Variants in NCAM2 observed in about 807,000 individuals in gnomAD.
NCAM2 encodes the protein neural cell adhesion molecule 2.
NCAM2 carries 30 observed loss-of-function variants against 98.1 expected under a neutral mutation model. That is an observed-to-expected ratio of 0.31 (90% CI 0.23 to 0.41). The LOEUF is 0.41. Among genes scored for constraint, NCAM2 ranks in the 10% least tolerant of loss-of-function variants. The pLI is 1.00. For synonymous variants in NCAM2, 368 were observed against 342.4 expected (o/e 1.07, Z -0.83); for missense variants, 867 against 1,005.8 (o/e 0.86, Z 1.87).
intron 15 of NCAM2, among the ~76,000 whole-genome samples, chr21:21,495,840 C>T (rs975017076): frequency 6.6e-6 from 1 of 151,728 alleles, no homozygotes; most frequent in African/African-American, 2.4e-5. Context: ...GTTTCCTTGA[C>T]CATTGGTCAC....
At chr21:21,119,191 G>A (rs1379847507) in intron 1 of NCAM2, among the ~76,000 whole-genome samples, 4 of 152,012 alleles carry the variant, frequency 2.6e-5, no homozygotes, top group Admixed American at 6.6e-5. Context: ...TCTTTTACAT[G>A]TTCTCCTTAG....
At chr21:21,063,531 C>G (rs1034700185) in intron 1 of NCAM2, among the ~76,000 whole-genome samples, 2 of 151,770 alleles carry the variant, frequency 1.3e-5, no homozygotes, top group Non-Finnish European at 2.9e-5. Context: ...ACGTTACATT[C>G]TTAATGCCAA....
At chr21:21,336,360 A>T (rs2147865000) in intron 7 of NCAM2, among the ~76,000 whole-genome samples, 1 of 148,650 alleles carries the variant, frequency 6.7e-6, no homozygotes, top group South Asian at 2.2e-4. Flanking sequence ...CAACAAAAAG[A>T]GGGAAAAGGA....
At chr21:21,529,728 T>C (rs1027470123) in intron 16 of NCAM2, among the ~76,000 whole-genome samples, 4 of 151,952 alleles carry the variant, frequency 2.6e-5, no homozygotes, top group East Asian at 1.9e-4. Flanking sequence ...CATGGACATT[T>C]ACTGTCTTTA....
chr21:21,136,081 T>C (rs1339684342), intron 1 of NCAM2, among the ~76,000 whole-genome samples: 1 of 152,216 alleles, frequency 6.6e-6, no homozygotes, highest in African/African-American at 2.4e-5. Flanking sequence ...TATATATCCA[T>C]CATGGGTTAC....
intron 17 of NCAM2, 34 bp downstream of exon 17, chr21:21,534,690 T>C: frequency 1.3e-6 from 2 of 1,510,250 alleles, no homozygotes; most frequent in African/African-American, 1.4e-5. Context: ...TATGTTCAAA[T>C]GGGTATTGGC....
chr21:21,272,629 G>C (rs942567784), intron 1 of NCAM2, among the ~76,000 whole-genome samples: 3 of 151,860 alleles, frequency 2.0e-5, no homozygotes, highest in African/African-American at 7.3e-5. Flanking sequence ...CTAAAACTAA[G>C]CAAGAATGAA....
intron 15 of NCAM2, among the ~76,000 whole-genome samples, chr21:21,500,716 T>C (rs1400468373): frequency 6.6e-6 from 1 of 152,116 alleles, no homozygotes; most frequent in African/African-American, 2.4e-5. Flanking sequence ...GAGAAGTCTA[T>C]CAAAGTCCAA....
chr21:21,500,309 C>T (rs1194887854), intron 15 of NCAM2, among the ~76,000 whole-genome samples: 1 of 152,054 alleles, frequency 6.6e-6, no homozygotes, highest in African/African-American at 2.4e-5. Context: ...AGTACAAACA[C>T]TTCTTTCAAA....
chr21:21,164,265 T>C (rs960489645), intron 1 of NCAM2, among the ~76,000 whole-genome samples: 9 of 152,194 alleles, frequency 5.9e-5, no homozygotes, highest in Non-Finnish European at 1.3e-4. Context: ...TTATTTGACA[T>C]TGAAAAATAT....
At chr21:21,192,990 CTT>C (rs2146972800) in intron 1 of NCAM2, among the ~76,000 whole-genome samples, 1 of 152,338 alleles carries the variant, frequency 6.6e-6, no homozygotes, top group African/African-American at 2.4e-5. Flanking sequence ...ACTTTACACA[CTT>C]ACCAATCATG....
At chr21:21,519,425 G>T (rs1937625297) in intron 16 of NCAM2, among the ~76,000 whole-genome samples, 1 of 152,092 alleles carries the variant, frequency 6.6e-6, no homozygotes, top group South Asian at 2.1e-4. Context: ...TTCAGATATA[G>T]TTGGGGTAGT....
At chr21:21,331,171 A>G (rs1027396414) in intron 6 of NCAM2, among the ~76,000 whole-genome samples, 1 of 151,826 alleles carries the variant, frequency 6.6e-6, no homozygotes, top group African/African-American at 2.4e-5. Context: ...TTGGAGACAG[A>G]TTCTCGCTCT....
intron 1 of NCAM2, among the ~76,000 whole-genome samples, chr21:21,081,831 T>G (rs1192596101): frequency 6.7e-6 from 1 of 149,522 alleles, no homozygotes. Flanking sequence ...AAAAAAAAAT[T>G]ATCTCATGCC....
At chr21:21,510,857 C>T (rs1212051758) in intron 16 of NCAM2, among the ~76,000 whole-genome samples, 4 of 151,988 alleles carry the variant, frequency 2.6e-5, no homozygotes, top group Admixed American at 6.6e-5. Context: ...ACAAGCTGAG[C>T]ATGCCCATTT....
chr21:21,225,647 A>G (rs909999365), intron 1 of NCAM2, among the ~76,000 whole-genome samples: 1 of 152,054 alleles, frequency 6.6e-6, no homozygotes, highest in Non-Finnish European at 1.5e-5. Context: ...TTTTAGTTTT[A>G]TATTCTATTT....
At chr21:21,467,982 G>C (rs957614836) in intron 13 of NCAM2, among the ~76,000 whole-genome samples, 2 of 151,952 alleles carry the variant, frequency 1.3e-5, no homozygotes, top group Non-Finnish European at 2.9e-5. Context: ...TGTTTTTCTT[G>C]GCCCTTCACA....
At chr21:21,372,884 A>G (rs1568991273) in intron 8 of NCAM2, among the ~76,000 whole-genome samples, 1 of 151,892 alleles carries the variant, frequency 6.6e-6, no homozygotes, top group African/African-American at 2.4e-5. Context: ...ATAACAGGTA[A>G]TTACAAGAGA....
intron 9 of NCAM2, among the ~76,000 whole-genome samples, chr21:21,374,305 A>T (rs529242857): frequency 2.0e-5 from 3 of 151,834 alleles, no homozygotes; most frequent in Non-Finnish European, 4.4e-5. Flanking sequence ...AATATTAATT[A>T]TCAGTAATTG....
Sources: allele counts gnomAD v4.1 joint callset (sites outside exome capture counted in the v4.1 genomes callset), GRCh38; gene constraint gnomAD v4.1.1; transcripts MANE v1.5; gene names NCBI Gene and HGNC (gene_info 2026-07-23, HGNC 2026-07-21).